The following PVT1 variants were observed in gnomAD, a reference collection of about 807,000 sequenced individuals.
The protein encoded by PVT1 is Pvt1 oncogene.
chr8:127,855,744 A>G (rs953333216), intron 2 of PVT1, among the ~76,000 whole-genome samples: 3 of 152,232 alleles, frequency 2.0e-5, no homozygotes, highest in African/African-American at 7.2e-5. Flanking sequence ...TGTGTTTGGA[A>G]CAAGTATCCT....
chr8:127,944,002 C>T (rs1410384671), intron 3 of PVT1, among the ~76,000 whole-genome samples: 1 of 152,152 alleles, frequency 6.6e-6, no homozygotes, highest in African/African-American at 2.4e-5. Context: ...CTTTTCATTC[C>T]ATGCGCACTC....
intron 4 of PVT1, among the ~76,000 whole-genome samples, chr8:127,995,110 C>T (rs529717821): frequency 2.6e-5 from 4 of 152,322 alleles, no homozygotes; most frequent in African/African-American, 9.6e-5. Context: ...TGCATCTCAG[C>T]TCACCAGGCT....
At chr8:128,089,770 CAGG>C (rs1206923829) in intron 5 of PVT1, among the ~76,000 whole-genome samples, 2 of 152,068 alleles carry the variant, frequency 1.3e-5, no homozygotes, top group East Asian at 3.9e-4. Context: ...GCAGACAAAC[CAGG>C]AGGATTTCCA....
intron 3 of PVT1, among the ~76,000 whole-genome samples, chr8:127,972,870 A>G (rs1816779983): frequency 6.6e-6 from 1 of 152,338 alleles, no homozygotes; most frequent in Admixed American, 6.5e-5. Flanking sequence ...TCCTAATGTC[A>G]GCCAAGTTTG....
chr8:127,933,674 T>C (rs142692255), intron 3 of PVT1, among the ~76,000 whole-genome samples: 1 of 152,202 alleles, frequency 6.6e-6, no homozygotes, highest in Non-Finnish European at 1.5e-5. Flanking sequence ...ATCTGCCTAG[T>C]GTGTGGTCAC....
At chr8:127,970,560 A>G (rs1309017319) in intron 3 of PVT1, among the ~76,000 whole-genome samples, 1 of 151,866 alleles carries the variant, frequency 6.6e-6, no homozygotes, top group Non-Finnish European at 1.5e-5. Context: ...CGGCCTCCCA[A>G]AATGCTGGGA....
At chr8:128,054,863 C>T (rs1218870720) in intron 4 of PVT1, among the ~76,000 whole-genome samples, 1 of 152,176 alleles carries the variant, frequency 6.6e-6, no homozygotes. Flanking sequence ...CCAGATGTCA[C>T]TGAAGGTATT....
At chr8:128,003,571 T>C (rs1320962051) in intron 4 of PVT1, among the ~76,000 whole-genome samples, 1 of 152,190 alleles carries the variant, frequency 6.6e-6, no homozygotes, top group African/African-American at 2.4e-5. Context: ...GTCTTGAAGA[T>C]ATCTGCTTGC....
At chr8:128,037,911 C>G (rs1006297984) in intron 4 of PVT1, among the ~76,000 whole-genome samples, 6 of 152,204 alleles carry the variant, frequency 3.9e-5, no homozygotes, top group Non-Finnish European at 7.3e-5. Context: ...CCAGAAATCC[C>G]TTTTACTGGT....
chr8:127,944,152 A>G (rs1432393570), intron 3 of PVT1, among the ~76,000 whole-genome samples: 2 of 152,176 alleles, frequency 1.3e-5, no homozygotes, highest in South Asian at 2.1e-4. Context: ...GAGTGGTGCC[A>G]TCCTAGTTCA....
At chr8:127,961,094 T>A (rs1177052301) in intron 3 of PVT1, among the ~76,000 whole-genome samples, 1 of 151,962 alleles carries the variant, frequency 6.6e-6, no homozygotes, top group Non-Finnish European at 1.5e-5. Flanking sequence ...GGAAGGAGTT[T>A]GCCCAGAGAA....
intron 4 of PVT1, among the ~76,000 whole-genome samples, chr8:128,023,560 A>G (rs757618878): frequency 5.3e-5 from 8 of 152,212 alleles, no homozygotes; most frequent in Admixed American, 1.3e-4. Context: ...GGTTAGTGCT[A>G]CATGCATTGC....
At chr8:127,925,461 G>A (rs1816118509) in intron 3 of PVT1, among the ~76,000 whole-genome samples, 1 of 152,208 alleles carries the variant, frequency 6.6e-6, no homozygotes, top group African/African-American at 2.4e-5. Flanking sequence ...TTATCTGTAA[G>A]CATATGGTGG....
chr8:127,886,085 A>C (rs915360189), intron 2 of PVT1, among the ~76,000 whole-genome samples: 1 of 152,164 alleles, frequency 6.6e-6, no homozygotes, highest in Non-Finnish European at 1.5e-5. Context: ...CAACAGAGCA[A>C]GACTCTGTCT....
intron 4 of PVT1, among the ~76,000 whole-genome samples, chr8:128,061,005 G>C (rs1158110753): frequency 6.6e-6 from 1 of 150,646 alleles, no homozygotes; most frequent in Non-Finnish European, 1.5e-5. Context: ...CACCTCCCAG[G>C]TTCAAGTGAT....
chr8:127,881,396 GATA>G (rs958095768), intron 2 of PVT1, among the ~76,000 whole-genome samples: 50 of 145,892 alleles, frequency 3.4e-4, no homozygotes, highest in Middle Eastern at 3.6e-3. Context: ...GTTTTTCTGA[GATA>G]ATAATAATAA....
intron 2 of PVT1, among the ~76,000 whole-genome samples, chr8:127,848,946 C>T (rs1815071069): frequency 1.3e-5 from 2 of 152,164 alleles, no homozygotes; most frequent in Non-Finnish European, 2.9e-5. Context: ...TGGTGTGGAC[C>T]ACGCTGAAGG....
chr8:128,044,274 A>G (rs1376212853), intron 4 of PVT1, among the ~76,000 whole-genome samples: 1 of 151,444 alleles, frequency 6.6e-6, no homozygotes, highest in African/African-American at 2.4e-5. Flanking sequence ...CATCTGACCC[A>G]GCATATAGTT....
chr8:127,877,922 T>C (rs1392689730), intron 2 of PVT1, among the ~76,000 whole-genome samples: 1 of 151,902 alleles, frequency 6.6e-6, no homozygotes, highest in Non-Finnish European at 1.5e-5. Context: ...CCGGACTCTG[T>C]CTCAAAAAAA....
Sources: gnomAD v4.1 joint callset for allele counts (sites outside exome capture counted in the v4.1 genomes callset) on GRCh38, gnomAD v4.1.1 for gene constraint, MANE v1.5 for transcripts, NCBI Gene and HGNC (gene_info 2026-07-23, HGNC 2026-07-21) for gene names.